The following NCOA7 variants were observed in gnomAD, a reference collection of about 807,000 sequenced individuals.
NCOA7 encodes the protein 140 kDa estrogen receptor-associated protein.
Under a neutral mutation model 104.3 loss-of-function variants are expected in NCOA7, and 45 were observed. The ratio of observed to expected loss-of-function variants is 0.43; its 90% CI spans 0.34 to 0.55. NCOA7 has a LOEUF of 0.55. NCOA7 is among the 20% of genes least tolerant of loss of function. The pLI is 0.02. For missense variants in NCOA7, 1,041 were observed against 1,119.7 expected, an observed-to-expected ratio of 0.93 and a Z score of 1.00; for synonymous variants, 398 against 402.3, an observed-to-expected ratio of 0.99 and a Z score of 0.13.
chr6:125,923,462 G>GT (rs1554205330), intron 13 of NCOA7, among the ~76,000 whole-genome samples: 1 of 152,170 alleles, frequency 6.6e-6, no homozygotes, highest in Non-Finnish European at 1.5e-5. Context: ...ATCTCTTCCC[G>GT]TAAGTCAGCT....
intron 1 of NCOA7, among the ~76,000 whole-genome samples, chr6:125,796,236 G>A (rs896789776): frequency 2.0e-5 from 3 of 151,814 alleles, no homozygotes. Context: ...TGACGTTCTG[G>A]TAAAAAATTA....
intron 10 of NCOA7, among the ~76,000 whole-genome samples, chr6:125,913,246 T>C (rs1583532972): frequency 6.6e-6 from 1 of 152,270 alleles, no homozygotes; most frequent in South Asian, 2.1e-4. Context: ...GGACAGGCTG[T>C]CAGGCTGGAG....
intron 6 of NCOA7, 22 bp downstream of exon 6, chr6:125,881,225 G>C (rs1783799816): frequency 2.0e-6 from 3 of 1,492,982 alleles, no homozygotes; most frequent in Non-Finnish European, 2.8e-6. Flanking sequence ...ATGCACTGAA[G>C]TTCATTTTTA....
At chr6:125,868,451 A>G (rs1033264896) in intron 3 of NCOA7, among the ~76,000 whole-genome samples, 3 of 152,214 alleles carry the variant, frequency 2.0e-5, no homozygotes, top group Non-Finnish European at 4.4e-5. Flanking sequence ...TCAGCATTTC[A>G]TTTTACAGCT....
chr6:125,866,362 A>AT (rs1412849725), intron 3 of NCOA7, among the ~76,000 whole-genome samples: 1 of 152,050 alleles, frequency 6.6e-6, no homozygotes, highest in African/African-American at 2.4e-5. Context: ...ATATAACTTT[A>AT]TTTTTTGCTA....
In NCOA7 at chr6:125,915,472, A is replaced by G; in HGVS notation, c.2236A>G (p.Ser746Gly). The G allele has an allele frequency of 6.2e-7, 1 of 1,613,814 alleles. No individual in the cohort carries two copies. The highest frequency in any genetic ancestry group is 8.5e-7 in the Non-Finnish European group (1 of 1,179,738). The stretch of plus-strand genomic sequence containing the variant: ...CTTCTTCAGTGAGCCAACAACCAAG[A>G]GCTGGGAGGTGAGCACTTGGGCAGG... ...DNFFSEPTTK[S>G]WEIITVEEAK... Residue 746 changes from serine to glycine, a missense_variant, in exon 11 of 16, where the codon AGC (serine) becomes GGC (glycine). This residue lies in a region of NCOA7 where 914 missense variants were observed against 942.7 expected (regional missense o/e 0.97). Transcript: ENST00000392477.
chr6:125,799,814 A>T (rs185963959), intron 1 of NCOA7, among the ~76,000 whole-genome samples: 1 of 152,314 alleles, frequency 6.6e-6, no homozygotes, highest in African/African-American at 2.4e-5. Flanking sequence ...GCATAGCATT[A>T]TCCACATGCA....
chr6:125,849,403 T>C (rs937820152), intron 2 of NCOA7, among the ~76,000 whole-genome samples: 2 of 152,232 alleles, frequency 1.3e-5, no homozygotes, highest in Non-Finnish European at 1.5e-5. Context: ...GCAATCATGG[T>C]ATCAAGCCAC....
At chr6:125,813,250 G>T (rs1777229141) in intron 1 of NCOA7, among the ~76,000 whole-genome samples, 1 of 152,154 alleles carries the variant, frequency 6.6e-6, no homozygotes, top group African/African-American at 2.4e-5. Context: ...AAGGTGCAGT[G>T]AAGGGGGTGG....
chr6:125,820,847 G>C (rs1418422848), intron 2 of NCOA7, among the ~76,000 whole-genome samples: 1 of 152,300 alleles, frequency 6.6e-6, no homozygotes, highest in South Asian at 2.1e-4. Flanking sequence ...TATAAGCACA[G>C]TTAGTTAGGT....
At position 125,890,635 on chromosome 6, in the gene NCOA7, G is replaced by T. The variant is rs1231976513; in HGVS notation, c.1928-7G>T. On this transcript the variant is annotated splice_region_variant and splice_polypyrimidine_tract_variant and intron_variant, in intron 9 of 15. Coordinates refer to ENST00000392477, the MANE Select transcript of NCOA7 (RefSeq NM_181782.5). ...ATTGAGGAACAGTTTTTTCGTGTGT[G>T]ATTCAGATATACTTCCTTCAAAAGA... The T allele has an allele frequency of 4.4e-6, 7 of 1,598,350 alleles. No homozygotes were observed. The highest frequency in any genetic ancestry group is 3.6e-5 in the Admixed American group (2 of 55,794).
At chr6:125,858,237 G>A (rs1031364088) in intron 3 of NCOA7, among the ~76,000 whole-genome samples, 1 of 152,102 alleles carries the variant, frequency 6.6e-6, no homozygotes, top group Non-Finnish European at 1.5e-5. Flanking sequence ...TTAATACATA[G>A]ATAAATGAAT....
intron 2 of NCOA7, among the ~76,000 whole-genome samples, chr6:125,840,252 T>C (rs1175649083): frequency 6.6e-6 from 1 of 152,110 alleles, no homozygotes; most frequent in African/African-American, 2.4e-5. Context: ...AAAGAAAATA[T>C]TTTTGTATGC....
At chr6:125,800,731 A>G (rs1310105133) in intron 1 of NCOA7, among the ~76,000 whole-genome samples, 2 of 152,218 alleles carry the variant, frequency 1.3e-5, no homozygotes, top group African/African-American at 4.8e-5. Flanking sequence ...CAATAATTAT[A>G]AAATGACACA....
chr6:125,788,906 T>G (rs921031631), upstream of NCOA7, among the ~76,000 whole-genome samples: 7 of 152,084 alleles, frequency 4.6e-5, no homozygotes, highest in Non-Finnish European at 1.0e-4. Context: ...TATAGGTTTT[T>G]GTCTAATAAA....
chr6:125,822,825 C>A (rs181462210), intron 2 of NCOA7, among the ~76,000 whole-genome samples: 16 of 151,708 alleles, frequency 1.1e-4, no homozygotes, highest in Non-Finnish European at 4.4e-5. Flanking sequence ...ATCCCAGCTA[C>A]ATGGGAGACT....
At chr6:125,916,113 A>C (rs1368132731) in intron 11 of NCOA7, among the ~76,000 whole-genome samples, 1 of 152,228 alleles carries the variant, frequency 6.6e-6, no homozygotes, top group African/African-American at 2.4e-5. Context: ...TGATTGGATC[A>C]TGGGGACAGT....
chr6:125,901,563 C>T (rs1357589371), intron 10 of NCOA7, among the ~76,000 whole-genome samples: 2 of 152,118 alleles, frequency 1.3e-5, no homozygotes, highest in Non-Finnish European at 2.9e-5. Context: ...CCTTTGGGCA[C>T]CAGTGGGAAT....
intron 2 of NCOA7, among the ~76,000 whole-genome samples, chr6:125,819,299 GA>G (rs1347538858): frequency 6.6e-6 from 1 of 151,928 alleles, no homozygotes; most frequent in Non-Finnish European, 1.5e-5. Flanking sequence ...ATTTTGGATT[GA>G]AATTAGTGAT....
Sources: allele counts gnomAD v4.1 joint callset (sites outside exome capture counted in the v4.1 genomes callset), GRCh38; gene constraint gnomAD v4.1.1; regional missense constraint gnomAD v4.1.1; transcripts MANE v1.5; gene names NCBI Gene and HGNC (gene_info 2026-07-23, HGNC 2026-07-21).